Variants in AKAP6 observed in about 807,000 individuals in gnomAD.
The protein encoded by AKAP6 is A-kinase anchoring protein 6, also known as A-kinase anchor protein 6.
AKAP6 carries 58 observed loss-of-function variants against 188.5 expected under a neutral mutation model. The ratio of observed to expected loss-of-function variants is 0.31; its 90% CI spans 0.25 to 0.38. The LOEUF is 0.38. Ranked by LOEUF, AKAP6 falls within the 10% of genes least tolerant of loss-of-function variation. The pLI is 1.00. For synonymous variants in AKAP6, 989 were observed against 998.6 expected (o/e 0.99, Z 0.18); for missense variants, 2,710 against 2,740.0 (o/e 0.99, Z 0.24).
intron 2 of AKAP6, among the ~76,000 whole-genome samples, chr14:32,480,458 A>G (rs1004917047): frequency 6.6e-6 from 1 of 152,194 alleles, no homozygotes; most frequent in Admixed American, 6.5e-5. Flanking sequence ...TGCCGTAGTC[A>G]TGATGAAGGT....
At chr14:32,760,985 G>C (rs867241721) in intron 11 of AKAP6, among the ~76,000 whole-genome samples, 1 of 152,162 alleles carries the variant, frequency 6.6e-6, no homozygotes, top group South Asian at 2.1e-4. Context: ...CTGAAAACTG[G>C]TGAAAAGGAA....
At position 32,781,348 on chromosome 14, in the gene AKAP6, C is replaced by CAA. The variant is rs34848067; in HGVS notation, c.3588+7469_3588+7470dup. Among the ~76,000 whole-genome samples the CAA allele has an allele frequency of 8.6e-3, 1,003 of 117,218 alleles. 36 individuals carry two copies. In the East Asian group the frequency reaches 0.086, roughly 10 times the overall value. The allele number at this position is 117,218 out of a possible 152,430, so 76.9% of individuals were successfully genotyped here. ...GGGCAACAAGAGTGAAACTTACTCT[C>CAA]AAAAAAAAAAAAAAAGAGAATATGA... is the stretch of plus-strand genomic sequence containing the variant. On this transcript the variant is annotated intron_variant, in intron 12 of 13. Transcript: ENST00000280979.
At chr14:32,444,190 C>T (rs1890682735) in intron 2 of AKAP6, among the ~76,000 whole-genome samples, 1 of 152,012 alleles carries the variant, frequency 6.6e-6, no homozygotes, top group African/African-American at 2.4e-5. Context: ...TCAGGTTAGT[C>T]TGGAAAGGGG....
chr14:32,810,632 T>C (rs1325211226), intron 12 of AKAP6, among the ~76,000 whole-genome samples: 1 of 152,190 alleles, frequency 6.6e-6, no homozygotes, highest in African/African-American at 2.4e-5. Flanking sequence ...ATCCTAAAAT[T>C]TCAAGCAACC....
At chr14:32,704,941 T>G (rs922660110) in intron 9 of AKAP6, among the ~76,000 whole-genome samples, 1 of 152,172 alleles carries the variant, frequency 6.6e-6, no homozygotes, top group African/African-American at 2.4e-5. Flanking sequence ...AGCAGGAATG[T>G]GGGGCTAAAA....
intron 2 of AKAP6, among the ~76,000 whole-genome samples, chr14:32,454,737 CTCCCTCCCTCCT>C (rs1891079124): frequency 1.0e-4 from 2 of 19,236 alleles, no homozygotes; most frequent in Non-Finnish European, 2.5e-4. Flanking sequence ...CCCTCCTTCC[CTCCCTCCCTCCT>C]TCCCTCCCTC....
chr14:32,463,445 C>T (rs1402069920), intron 2 of AKAP6, among the ~76,000 whole-genome samples: 3 of 152,182 alleles, frequency 2.0e-5, no homozygotes, highest in Non-Finnish European at 4.4e-5. Context: ...GATTAAGAAT[C>T]TCACTCAAAA....
At chr14:32,709,818 T>G (rs377425510) in intron 9 of AKAP6, among the ~76,000 whole-genome samples, 1 of 152,072 alleles carries the variant, frequency 6.6e-6, no homozygotes, top group Admixed American at 6.6e-5. Flanking sequence ...GTTTTCTGTA[T>G]AGTCACATTT....
chr14:32,509,501 T>G, intron 2 of AKAP6, among the ~76,000 whole-genome samples: 1 of 152,174 alleles, frequency 6.6e-6, no homozygotes, highest in East Asian at 1.9e-4. Context: ...AACTTTTTTT[T>G]GTAAGGAACT....
chr14:32,604,813 T>G (rs563507430), intron 7 of AKAP6, among the ~76,000 whole-genome samples: 1 of 152,316 alleles, frequency 6.6e-6, no homozygotes, highest in Non-Finnish European at 1.5e-5. Context: ...TATACAAGAC[T>G]TCATTTTCTT....
At chr14:32,736,307 A>G (rs549779903) in intron 11 of AKAP6, among the ~76,000 whole-genome samples, 2 of 152,282 alleles carry the variant, frequency 1.3e-5, no homozygotes, top group South Asian at 4.1e-4. Context: ...AAGGAAACAT[A>G]ATTTTTACAT....
intron 3 of AKAP6, among the ~76,000 whole-genome samples, chr14:32,538,872 TAAA>T (rs1335435429): frequency 1.3e-5 from 2 of 152,116 alleles, no homozygotes; most frequent in Non-Finnish European, 2.9e-5. Context: ...ATTTAAATTT[TAAA>T]AAAGAAGAAT....
chr14:32,690,790 C>T (rs1890146412), intron 8 of AKAP6, among the ~76,000 whole-genome samples: 1 of 152,142 alleles, frequency 6.6e-6, no homozygotes, highest in Non-Finnish European at 1.5e-5. Flanking sequence ...GACTTTTTCT[C>T]CCCATAACAT....
intron 2 of AKAP6, among the ~76,000 whole-genome samples, chr14:32,443,164 G>A (rs995821479): frequency 2.0e-5 from 3 of 152,066 alleles, no homozygotes. Context: ...GGGCGGCCGA[G>A]GCAGGTGGAT....
Position 32,821,909 on chromosome 14 carries a change from A to C in AKAP6, c.4096A>C (p.Ile1366Leu). The C allele has an allele frequency of 6.2e-7, 1 of 1,613,944 alleles. No homozygotes were observed. Among genetic ancestry groups the C allele is most frequent in the Non-Finnish European group, 8.5e-7 (1 of 1,179,942 alleles). The change falls in exon 13 of 14, where the codon ATT (isoleucine) becomes CTT (leucine). Residue 1366 changes from isoleucine to leucine, a missense_variant. By Grantham distance (5) the Ile-to-Leu change is conservative. Transcript: ENST00000280979. Reference protein sequence around the residue: ...MSQNSGSESGIVSEGDTETTT... With the variant: ...MSQNSGSESGLVSEGDTETTT... ...CCAGAATTCAGGCAGTGAGAGTGGA[A>C]TTGTCAGTGAAGGAGACACAGAAAC...
At chr14:32,383,749 T>C (rs1000935535) in intron 1 of AKAP6, among the ~76,000 whole-genome samples, 7 of 152,280 alleles carry the variant, frequency 4.6e-5, no homozygotes, top group South Asian at 2.1e-4. Flanking sequence ...CTCCCTGAAC[T>C]CAAGGTAATT....
At chr14:32,625,418 C>T (rs951062262) in intron 7 of AKAP6, among the ~76,000 whole-genome samples, 3 of 152,032 alleles carry the variant, frequency 2.0e-5, no homozygotes, top group Non-Finnish European at 4.4e-5. Context: ...TTAAGGTGTG[C>T]ATAAACCTGT....
At chr14:32,656,430 C>A (rs140678581) in intron 7 of AKAP6, among the ~76,000 whole-genome samples, 166 of 152,224 alleles carry the variant, frequency 1.1e-3, no homozygotes, top group Middle Eastern at 6.8e-3. Context: ...GGTTTCTCTC[C>A]TTCTTAGCAG....
At chr14:32,711,907 C>T (rs1045450325) in intron 9 of AKAP6, among the ~76,000 whole-genome samples, 3 of 151,922 alleles carry the variant, frequency 2.0e-5, no homozygotes, top group Non-Finnish European at 2.9e-5. Context: ...GGGGTGGACT[C>T]AGTGTCTCTC....
Sources: gnomAD v4.1 joint callset for allele counts (sites outside exome capture counted in the v4.1 genomes callset) on GRCh38, gnomAD v4.1.1 for gene constraint, MANE v1.5 for transcripts, NCBI Gene and HGNC (gene_info 2026-07-23, HGNC 2026-07-21) for gene names.